The following MROH2A variants were observed in gnomAD, a reference collection of about 807,000 sequenced individuals.
MROH2A encodes the protein maestro heat like repeat family member 2A.
In MROH2A, 174 loss-of-function variants were observed where a neutral mutation model predicts 200.4. That is an observed-to-expected ratio of 0.87 (90% CI 0.77 to 0.98). The LOEUF (loss-of-function observed/expected upper bound fraction) is 0.98, where lower values mean the gene tolerates loss of function less well. Ranked by LOEUF, MROH2A falls within the 50% of genes least tolerant of loss-of-function variation. MROH2A has a pLI of 0.00. For missense variants in MROH2A, 2,045 were observed against 2,139.6 expected (o/e 0.96, Z 0.87); for synonymous variants, 829 against 840.4 (o/e 0.99, Z 0.23).
chr2:233,777,819 C>A (rs982076826), upstream of MROH2A, among the ~76,000 whole-genome samples: 1 of 152,238 alleles, frequency 6.6e-6, no homozygotes, highest in Non-Finnish European at 1.5e-5. Flanking sequence ...TCTCTCCTAG[C>A]TATAAATGAC....
At position 233,820,983 on chromosome 2, in the gene MROH2A, G is replaced by T. The variant is rs1703898035; in HGVS notation, c.3512+927G>T. Among the ~76,000 whole-genome samples, 1 of 152,178 alleles carries T rather than the reference G, an allele frequency of 6.6e-6. No individual in the cohort carries two copies. Among genetic ancestry groups the T allele is most frequent in the Non-Finnish European group, 1.5e-5 (1 of 68,020 alleles). On this transcript the variant is annotated intron_variant, in intron 31 of 41. Coordinates refer to ENST00000389758, the MANE Select transcript of MROH2A (RefSeq NM_001394639.1). This position sits in a 1 kb window ranked among gnomAD's most constrained non-coding sequence, Gnocchi z 4.1. ...TGGGTGGGGGTAAGGGGGATGTGCG[G>T]TGCAGCCCTGGGTCAGGCTGGCGTA...
intron 23 of MROH2A, 141 bp downstream of exon 23, chr2:233,811,057 C>G (rs1177173225): frequency 1.1e-6 from 1 of 937,116 alleles, no homozygotes. Flanking sequence ...TTTGTCCTAA[C>G]TGTAGGAGTT....
At chr2:233,789,744 G>T (rs1255350189) in intron 4 of MROH2A, 108 bp from the exon 5 acceptor site, 2 of 1,474,910 alleles carry the variant, frequency 1.4e-6, no homozygotes, top group Non-Finnish European at 1.8e-6. Flanking sequence ...GCAGGGGTAA[G>T]GCTGAGCCCA....
chr2:233,782,307 ATAT>A (rs1700988207), intron 3 of MROH2A, among the ~76,000 whole-genome samples: 1 of 152,130 alleles, frequency 6.6e-6, no homozygotes, highest in Non-Finnish European at 1.5e-5. Context: ...TATTTTGATA[ATAT>A]TAATTTTTCT....
chr2:233,816,480 A>G (rs894701477), intron 26 of MROH2A, among the ~76,000 whole-genome samples: 2 of 152,218 alleles, frequency 1.3e-5, no homozygotes, highest in Admixed American at 1.3e-4. Flanking sequence ...GAACTTTTAT[A>G]TCAGAACGGC....
Position 233,800,431 on chromosome 2 carries a change from A to T in MROH2A, c.1560+116A>T. 4 of 662,828 alleles carry T rather than the reference A, an allele frequency of 6.0e-6. 1 individual carries two copies. In the South Asian group the frequency reaches 8.3e-5, roughly 14 times the overall value. 41.1% of individuals were successfully genotyped at this position (662,828 alleles called of 1,614,324 possible). ...TCCGTTCCTGCTGTCTGGAGTGTTG[A>T]GGGGCCTTCCTCTTCCAGTTGCCTG... On this transcript the variant is annotated intron_variant, in intron 14 of 41. Coordinates refer to ENST00000389758, the MANE Select transcript of MROH2A (RefSeq NM_001394639.1).
rs985321180 is a variant in MROH2A at position 233,828,295 on chromosome 2, A to G, written c.4114-335A>G. ...AGTAATTCTCCTGAAAGTGAAATTCATGTTTTTTGTGCCTTTCTGTTCAGA... is the reference window on the plus strand; with the variant it reads ...AGTAATTCTCCTGAAAGTGAAATTCGTGTTTTTTGTGCCTTTCTGTTCAGA... On this transcript the variant is annotated intron_variant, in intron 35 of 41. Transcript: ENST00000389758. The surrounding 1 kb of genome is among the most constrained non-coding windows in gnomAD (Gnocchi z 4.6). 6.6e-6 allele frequency among the ~76,000 whole-genome samples: 1 copy of G among 152,174 alleles called. No individual in the cohort carries two copies. Among genetic ancestry groups the G allele is most frequent in the African/African-American group, 2.4e-5 (1 of 41,438 alleles).
chr2:233,801,669 C>G (rs1226810201), intron 14 of MROH2A, among the ~76,000 whole-genome samples: 1 of 152,170 alleles, frequency 6.6e-6, no homozygotes, highest in Non-Finnish European at 1.5e-5. Context: ...AGGATAATCT[C>G]TTTTATGGAT....
intron 35 of MROH2A, among the ~76,000 whole-genome samples, chr2:233,825,393 T>G (rs371735538): frequency 1.8e-4 from 28 of 152,236 alleles, no homozygotes; most frequent in African/African-American, 5.8e-4. Context: ...CATCCTTGTC[T>G]TGTGCCGATT....
At chr2:233,780,543 G>T (rs4663973) in intron 3 of MROH2A, among the ~76,000 whole-genome samples, 22,840 of 152,000 alleles carry the variant, frequency 0.15, 1,815 homozygotes, top group East Asian at 0.21. Flanking sequence ...TTTATAAAAA[G>T]TTTTATTATT....
chr2:233,822,293 AG>A lies in MROH2A; in HGVS notation c.3672+12del, dbSNP rs1703997571. On this transcript the variant is annotated intron_variant, in intron 32 of 41. Coordinates refer to ENST00000389758, the MANE Select transcript of MROH2A (RefSeq NM_001394639.1). Reference sequence around the variant, plus strand: ...GGTGGACCCCCTGATGGTGAGTTGCAGGCGCAGGCCCCAAGGCTCCTCAGGG... The same window carrying A: ...GGTGGACCCCCTGATGGTGAGTTGCAGCGCAGGCCCCAAGGCTCCTCAGGG... 6.5e-7 allele frequency: 1 copy of A among 1,547,706 alleles called. No homozygotes were observed. The highest frequency in any genetic ancestry group is 8.7e-7 in the Non-Finnish European group (1 of 1,146,832).
intron 30 of MROH2A, 62 bp from the exon 31 acceptor site, chr2:233,819,840 G>A (rs1703814205): frequency 2.8e-6 from 4 of 1,437,736 alleles, no homozygotes; most frequent in East Asian, 2.5e-5. Context: ...CATGTCATGG[G>A]GTTAGTGCAG....
intron 3 of MROH2A, among the ~76,000 whole-genome samples, chr2:233,788,676 G>A (rs1050490250): frequency 2.4e-4 from 37 of 152,020 alleles, no homozygotes; most frequent in Non-Finnish European, 4.9e-4. Context: ...GGTGGCTCAC[G>A]CCTGTAATCC....
chr2:233,819,659 T>A (rs1703798620), intron 30 of MROH2A, among the ~76,000 whole-genome samples, 190 bp downstream of exon 30: 1 of 152,234 alleles, frequency 6.6e-6, no homozygotes, highest in South Asian at 2.1e-4. Flanking sequence ...CCTCGTTAGT[T>A]AAGTGCACGC....
In MROH2A at chr2:233,792,864, G is replaced by C; in HGVS notation, c.640G>C (p.Glu214Gln). The change falls in exon 6 of 42, where the codon GAA becomes CAA. Residue 214 changes from glutamate (E) to glutamine (Q), a missense_variant. Physicochemically the swap from Glu to Gln is conservative, Grantham distance 29. Around this residue, in one of 3 missense-constraint regions of MROH2A, gnomAD observed 831 missense variants for 800.0 expected, o/e 1.04. Transcript: ENST00000389758. Reference sequence around the variant, plus strand: ...ATTCACCATGCTGAGACTTGCCAATGAAGCCAAGATACGCCAGGCGATCTG... The same window carrying C: ...ATTCACCATGCTGAGACTTGCCAATCAAGCCAAGATACGCCAGGCGATCTG... Reference protein sequence around the residue: ...TIFTMLRLANEAKIRQAICSA... With the variant: ...TIFTMLRLANQAKIRQAICSA... The C allele has an allele frequency of 1.3e-6, 2 of 1,550,598 alleles. No individual in the cohort carries two copies. Among genetic ancestry groups the C allele is most frequent in the Non-Finnish European group, 1.7e-6 (2 of 1,147,004 alleles).
rs1334107461 is a variant in MROH2A, at chr2:233,779,805, C to G, written c.229C>G (p.Pro77Ala). The G allele has an allele frequency of 6.4e-7, 1 of 1,550,542 alleles. No homozygotes were observed. The highest frequency in any genetic ancestry group is 1.4e-5 in the African/African-American group (1 of 73,028). ...AATCATGGAGAAGGCCACCACTGAG[C>G]CTTCTGTAGTGATAAACACTCTCAT... ...VIIMEKATTE[P>A]SVVINTLIRC... Residue 77 changes from proline to alanine, a missense_variant, in exon 3 of 42, where the codon CCT (proline) becomes GCT (alanine). By Grantham distance (27) the Pro-to-Ala change is conservative. Around this residue, in one of 3 missense-constraint regions of MROH2A, gnomAD observed 831 missense variants for 800.0 expected, o/e 1.04. Transcript: ENST00000389758.
At chr2:233,793,265 A>G (rs1359655007) in intron 6 of MROH2A, among the ~76,000 whole-genome samples, 2 of 152,176 alleles carry the variant, frequency 1.3e-5, no homozygotes, top group Non-Finnish European at 2.9e-5. Flanking sequence ...CTGGTCTTAG[A>G]TGCTATTTCA....
chr2:233,785,360 G>A (rs1322193634), intron 3 of MROH2A, among the ~76,000 whole-genome samples: 4 of 151,830 alleles, frequency 2.6e-5, no homozygotes, highest in Non-Finnish European at 4.4e-5. Context: ...CTACTTGGCA[G>A]GCCGAGATGG....
Position 233,789,574 on chromosome 2 carries a change from G to C in MROH2A, c.354G>C (p.Gln118His), listed in dbSNP as rs191058408. 6.7e-7 allele frequency: 1 copy of C among 1,501,102 alleles called. No homozygotes were observed. Among genetic ancestry groups the C allele is most frequent in the Non-Finnish European group, 8.9e-7 (1 of 1,123,994 alleles). The allele number at this position is 1,501,102 out of a possible 1,614,324, so 93.0% of individuals were successfully genotyped here. A position where few individuals can be genotyped will look rare whatever the true frequency, so the allele number is the denominator to read the frequency against. The change falls in exon 4 of 42, where the codon CAG becomes CAC. Residue 118 changes from glutamine to histidine, a missense_variant. Coordinates refer to ENST00000389758, the MANE Select transcript of MROH2A (RefSeq NM_001394639.1). ...IIQQEGELEE[Q>H]CVQRLVAIAS... Reference sequence around the variant, plus strand: ...AGCAGGAGGGGGAGCTGGAGGAGCAGTGCGTGCAGAGGCTGGTGGCCATTG... The same window carrying C: ...AGCAGGAGGGGGAGCTGGAGGAGCACTGCGTGCAGAGGCTGGTGGCCATTG...
Sources: allele counts gnomAD v4.1 joint callset (sites outside exome capture counted in the v4.1 genomes callset), GRCh38; gene constraint gnomAD v4.1.1; regional missense constraint gnomAD v4.1.1; non-coding constraint Gnocchi (gnomAD v3.1); transcripts MANE v1.5; gene names NCBI Gene and HGNC (gene_info 2026-07-23, HGNC 2026-07-21).